The following EBPL variants were observed in gnomAD, a reference collection of about 807,000 sequenced individuals.
EBPL encodes the protein EBP like.
In EBPL, 20 loss-of-function variants were observed where a neutral mutation model predicts 19.0. The observed-to-expected ratio is 1.05, with a 90% CI of 0.74 to 1.53. EBPL has a LOEUF of 1.53. Among genes scored for constraint, EBPL ranks in the 40% most tolerant of loss-of-function variants. The pLI, the probability that EBPL is intolerant of heterozygous loss-of-function variation, is 0.00. For synonymous variants in EBPL, 107 were observed against 117.0 expected (o/e 0.91, Z 0.55); for missense variants, 219 against 261.1 (o/e 0.84, Z 1.11).
intron 1 of EBPL, among the ~76,000 whole-genome samples, chr13:49,677,470 A>G (rs1953888816): frequency 6.6e-6 from 1 of 152,226 alleles, no homozygotes. Flanking sequence ...ACTCACAAAT[A>G]TAAATCAGCA....
chr13:49,677,704 T>C (rs1234167539), intron 1 of EBPL, among the ~76,000 whole-genome samples: 1 of 151,460 alleles, frequency 6.6e-6, no homozygotes, highest in African/African-American at 2.4e-5. Context: ...AGGTCAGGAG[T>C]TCAAGATCAG....
intron 3 of EBPL, among the ~76,000 whole-genome samples, chr13:49,661,573 C>T (rs1325139542): frequency 6.6e-6 from 1 of 152,114 alleles, no homozygotes; most frequent in African/African-American, 2.4e-5. Context: ...TGAGTAATAA[C>T]CCCTTCCTCA....
At chr13:49,676,448 C>T (rs1205355017) in intron 1 of EBPL, among the ~76,000 whole-genome samples, 8 of 152,116 alleles carry the variant, frequency 5.3e-5, no homozygotes, top group East Asian at 3.9e-4. Context: ...AAAAATTAGC[C>T]GGGCGTGGTG....
In EBPL at chr13:49,672,188, C is replaced by T. The variant is rs542368822; in HGVS notation, c.172-2342G>A. On this transcript the variant is annotated intron_variant, in intron 1 of 3. Coordinates refer to ENST00000242827, the MANE Select transcript of EBPL (RefSeq NM_032565.5). Reference sequence around the variant, plus strand: ...CCCAAGAAACATGACATTTGTGTTCCGTGTTTGCTAACCTTGAATTAAGTT... The same window carrying T: ...CCCAAGAAACATGACATTTGTGTTCTGTGTTTGCTAACCTTGAATTAAGTT... Among the ~76,000 whole-genome samples the T allele has an allele frequency of 5.1e-4, 77 of 152,260 alleles. 1 individual carries two copies. The highest frequency in any genetic ancestry group is 3.4e-3 in the Middle Eastern group (1 of 294).
chr13:49,682,922 C>G (rs1431601126), intron 1 of EBPL, among the ~76,000 whole-genome samples: 2 of 152,136 alleles, frequency 1.3e-5, no homozygotes. Flanking sequence ...GATGGTCAGA[C>G]TCCACCTAGA....
chr13:49,672,539 C>T (rs1168202336), intron 1 of EBPL, among the ~76,000 whole-genome samples: 2 of 151,730 alleles, frequency 1.3e-5, no homozygotes, highest in African/African-American at 4.8e-5. Context: ...TAAGCGTTTC[C>T]TAAAAGAGTA....
At chr13:49,683,617 T>C (rs1334174548) in intron 1 of EBPL, among the ~76,000 whole-genome samples, 7 of 152,166 alleles carry the variant, frequency 4.6e-5, no homozygotes, top group Middle Eastern at 3.4e-3. Context: ...CATTTGAAAA[T>C]GCAACCTGTG....
In EBPL at chr13:49,660,913, A is replaced by T. The variant is rs1394743082; in HGVS notation, c.*55T>A. The T allele has an allele frequency of 1.4e-6, 2 of 1,475,372 alleles. No individual in the cohort carries two copies. The highest frequency in any genetic ancestry group is 9.3e-7 in the Non-Finnish European group (1 of 1,076,692). 91.4% of individuals were successfully genotyped at this position (1,475,372 alleles called of 1,614,324 possible). ...TATTACATTTTGGCCAAACAAAAAG[A>T]TTTGATTCATTCTGGTTCATGAAGT... On this transcript the variant is annotated 3_prime_UTR_variant, in exon 4 of 4. Coordinates refer to ENST00000242827, the MANE Select transcript of EBPL (RefSeq NM_032565.5).
intron 1 of EBPL, among the ~76,000 whole-genome samples, chr13:49,687,957 T>C (rs967446986): frequency 2.0e-5 from 3 of 152,198 alleles, no homozygotes; most frequent in African/African-American, 7.2e-5. Context: ...CAGAATACAA[T>C]TCTTACCTGT....
intron 2 of EBPL, among the ~76,000 whole-genome samples, chr13:49,666,986 G>A (rs1488396423): frequency 1.3e-5 from 2 of 152,170 alleles, no homozygotes; most frequent in Non-Finnish European, 2.9e-5. Flanking sequence ...GAAAATAAGG[G>A]TGTTTCAGGG....
At chr13:49,686,688 G>T in intron 1 of EBPL, 1 of 1,199,908 alleles carries the variant, frequency 8.3e-7, no homozygotes, top group Non-Finnish European at 1.1e-6. Flanking sequence ...CATACCTGGG[G>T]CTTCGTGCTA....
intron 2 of EBPL, 88 bp downstream of exon 2, chr13:49,669,689 C>G (rs1324383625): frequency 8.9e-7 from 1 of 1,125,122 alleles, no homozygotes; most frequent in Non-Finnish European, 1.3e-6. Context: ...TAAATGAAGT[C>G]ATACAGTATA....
chr13:49,664,026 C>T (rs1057223755), intron 2 of EBPL, among the ~76,000 whole-genome samples: 9 of 152,094 alleles, frequency 5.9e-5, no homozygotes, highest in African/African-American at 1.2e-4. Flanking sequence ...CCAAGGTGGG[C>T]GGATCACTTG....
intron 1 of EBPL, among the ~76,000 whole-genome samples, chr13:49,678,525 A>AG (rs1391593482): frequency 6.6e-6 from 1 of 152,148 alleles, no homozygotes; most frequent in Non-Finnish European, 1.5e-5. Context: ...TGGGGAACCC[A>AG]GCTCACCCTC....
chr13:49,689,659 TTATATA>T (rs373393906), intron 1 of EBPL, among the ~76,000 whole-genome samples: 3,097 of 152,330 alleles, frequency 0.02, 41 homozygotes, highest in South Asian at 0.03. Flanking sequence ...TTATACATTT[TTATATA>T]TATACATTCT....
At chr13:49,686,395 C>T (rs1010781839) in intron 1 of EBPL, 2 of 1,224,944 alleles carry the variant, frequency 1.6e-6, no homozygotes, top group African/African-American at 1.6e-5. Context: ...TCTACCTGGC[C>T]TATAAGCCTT....
chr13:49,684,552 G>A (rs1421959811), intron 1 of EBPL, among the ~76,000 whole-genome samples: 1 of 152,164 alleles, frequency 6.6e-6, no homozygotes, highest in Non-Finnish European at 1.5e-5. Context: ...GCACGTGCCT[G>A]TCATCCCAGC....
At chr13:49,662,927 C>T (rs1262577097) in intron 3 of EBPL, 130 bp downstream of exon 3, 49 of 1,251,308 alleles carry the variant, frequency 3.9e-5, no homozygotes, top group African/African-American at 1.5e-4. Flanking sequence ...GGAGCCACCG[C>T]GCCCAGCCTC....
chr13:49,682,163 C>T (rs1305628258), intron 1 of EBPL, among the ~76,000 whole-genome samples: 1 of 152,230 alleles, frequency 6.6e-6, no homozygotes, highest in Non-Finnish European at 1.5e-5. Context: ...GCCCAGCAGC[C>T]AGTTGTCACC....
Sources: allele counts gnomAD v4.1 joint callset (sites outside exome capture counted in the v4.1 genomes callset), GRCh38; gene constraint gnomAD v4.1.1; transcripts MANE v1.5; gene names NCBI Gene and HGNC (gene_info 2026-07-23, HGNC 2026-07-21).